The following BRDT variants were observed in gnomAD, a reference collection of about 807,000 sequenced individuals.
BRDT encodes the protein bromodomain testis associated, also known as bromodomain testis-specific protein.
A neutral mutation model predicts 113.9 loss-of-function variants in BRDT; 77 were observed. The observed-to-expected ratio is 0.68, with a 90% CI of 0.56 to 0.82. BRDT has a LOEUF of 0.82. BRDT is among the 40% of genes least tolerant of loss of function. BRDT has a pLI of 0.00. For synonymous variants in BRDT, 358 were observed against 366.5 expected (o/e 0.98, Z 0.26); for missense variants, 1,027 against 1,105.4 (o/e 0.93, Z 1.01).
chr1:91,981,222 G>A, intron 10 of BRDT, 44 bp downstream of exon 10: 1 of 1,608,904 alleles, frequency 6.2e-7, no homozygotes, highest in Non-Finnish European at 8.5e-7. Flanking sequence ...TGGTATTTAT[G>A]TTGGTTTTTG....
At chr1:91,977,705 TAAA>T (rs531587291) in intron 6 of BRDT, among the ~76,000 whole-genome samples, 390 of 121,602 alleles carry the variant, frequency 3.2e-3, no homozygotes, top group African/African-American at 0.012. Flanking sequence ...TCGTCTCTAC[TAAA>T]AAAAAAAAAA....
At chr1:91,961,437 C>T (rs923090177) in intron 1 of BRDT, among the ~76,000 whole-genome samples, 6 of 152,042 alleles carry the variant, frequency 3.9e-5, no homozygotes, top group African/African-American at 7.2e-5. Flanking sequence ...TGAGACCAGC[C>T]GGGCCAACAT....
At chr1:91,964,194 G>T (rs1484706559) in intron 2 of BRDT, among the ~76,000 whole-genome samples, 1 of 152,204 alleles carries the variant, frequency 6.6e-6, no homozygotes, top group African/African-American at 2.4e-5. Context: ...CTGAGTAGCT[G>T]GGATTACAGG....
chr1:91,961,680 A>T (rs1319084879), intron 1 of BRDT, among the ~76,000 whole-genome samples: 1 of 152,102 alleles, frequency 6.6e-6, no homozygotes, highest in Non-Finnish European at 1.5e-5. Flanking sequence ...ATTAGCCAGA[A>T]CATTTTTTTA....
chr1:91,961,628 CAG>C (rs57800881), intron 1 of BRDT, among the ~76,000 whole-genome samples: 13 of 151,332 alleles, frequency 8.6e-5, no homozygotes, highest in African/African-American at 2.2e-4. Flanking sequence ...GACTCCATCT[CAG>C]AGAGAGAGAG....
intron 15 of BRDT, among the ~76,000 whole-genome samples, chr1:91,997,407 T>G (rs1284314873): frequency 2.0e-5 from 3 of 152,108 alleles, no homozygotes; most frequent in African/African-American, 7.2e-5. Context: ...GTGGGCAAGA[T>G]TATTTTGAGT....
intron 5 of BRDT, 150 bp downstream of exon 5, chr1:91,976,588 C>A: frequency 1.3e-6 from 1 of 785,272 alleles, no homozygotes; most frequent in Non-Finnish European, 1.9e-6. Context: ...TTCCGCCTCT[C>A]TATGCATTTT....
At chr1:91,984,212 AT>A (rs202236421) in intron 12 of BRDT, among the ~76,000 whole-genome samples, 9 of 151,124 alleles carry the variant, frequency 6.0e-5, no homozygotes, top group African/African-American at 9.7e-5. Context: ...TTTTGTCCTA[AT>A]TTTTTTTTGC....
At chr1:92,009,078 G>A (rs1570657279) in intron 18 of BRDT, among the ~76,000 whole-genome samples, 2 of 152,060 alleles carry the variant, frequency 1.3e-5, no homozygotes, top group African/African-American at 4.8e-5. Context: ...CTGTCTAACT[G>A]AAAGTTTGTA....
In BRDT at chr1:91,968,790, GTATTA is replaced by G. The variant is rs1239791502; in HGVS notation, c.445+533_445+537del. Among the ~76,000 whole-genome samples the G allele has an allele frequency of 3.9e-5, 6 of 152,156 alleles. No individual in the cohort carries two copies. The South Asian group carries it at 6.2e-4, about 16-fold the overall frequency. On this transcript the variant is annotated intron_variant, in intron 4 of 18. Transcript: ENST00000399546. ...TTAAATCTGAAGTATTCAAATAGATGTATTATAGAGGTTAATCAAGAGTGTAGTAA... is the reference window on the plus strand; with the variant it reads ...TTAAATCTGAAGTATTCAAATAGATGTAGAGGTTAATCAAGAGTGTAGTAA...
chr1:91,993,639 T>G (rs1018696923), intron 14 of BRDT, among the ~76,000 whole-genome samples: 2 of 152,182 alleles, frequency 1.3e-5, no homozygotes, highest in African/African-American at 4.8e-5. Flanking sequence ...AATTTTAAAT[T>G]TATCCCCTTA....
At chr1:91,997,658 T>A (rs1188941851) in intron 15 of BRDT, among the ~76,000 whole-genome samples, 4 of 152,234 alleles carry the variant, frequency 2.6e-5, no homozygotes, top group African/African-American at 9.6e-5. Context: ...TCAGTAAGGA[T>A]CAGTTTATTA....
At chr1:92,007,279 G>A (rs1260875177) in intron 18 of BRDT, among the ~76,000 whole-genome samples, 1 of 151,608 alleles carries the variant, frequency 6.6e-6, no homozygotes, top group Non-Finnish European at 1.5e-5. Flanking sequence ...GTGAAGGTTT[G>A]TTACATAGGT....
intron 12 of BRDT, among the ~76,000 whole-genome samples, chr1:91,982,485 G>C (rs1412653430): frequency 2.6e-5 from 4 of 152,198 alleles, no homozygotes; most frequent in East Asian, 3.9e-4. Context: ...TGACCAAAAG[G>C]CAAATTCAGA....
chr1:91,975,164 G>C (rs1684010339), intron 4 of BRDT, among the ~76,000 whole-genome samples: 1 of 152,072 alleles, frequency 6.6e-6, no homozygotes, highest in African/African-American at 2.4e-5. Flanking sequence ...ATAGCATTAG[G>C]AGATATGCCT....
intron 8 of BRDT, 104 bp from the exon 9 acceptor site, chr1:91,980,539 A>T (rs1684616732): frequency 3.0e-5 from 30 of 993,212 alleles, no homozygotes; most frequent in Non-Finnish European, 4.1e-5. Context: ...ATAAGAAATG[A>T]ATTTCACAAA....
intron 3 of BRDT, among the ~76,000 whole-genome samples, chr1:91,966,825 C>T (rs531245231): frequency 3.3e-5 from 5 of 152,244 alleles, no homozygotes; most frequent in African/African-American, 1.2e-4. Context: ...AATCCCAGCA[C>T]TTTGGGAGGC....
intron 1 of BRDT, among the ~76,000 whole-genome samples, chr1:91,951,367 CAGTA>C (rs1366594424): frequency 6.6e-6 from 1 of 151,996 alleles, no homozygotes; most frequent in Non-Finnish European, 1.5e-5. Context: ...AATAGGAAAA[CAGTA>C]AGTATCTCGA....
Position 91,968,192 on chromosome 1 carries a change from T to G in BRDT, c.377T>G (p.Phe126Cys), listed in dbSNP as rs1205871102. ...ATGGCACAAGCTCTAGAGAAGCTGT[T>G]TATGCAGAAATTATCTCAGATGCCA... ...VLMAQALEKL[F>C]MQKLSQMPQE... Residue 126 changes from phenylalanine (F) to cysteine (C), a missense_variant, in exon 4 of 19, where the codon TTT (phenylalanine) becomes TGT (cysteine). Coordinates refer to ENST00000399546, the MANE Select transcript of BRDT (RefSeq NM_207189.4). 1 of 1,614,064 alleles carries G rather than the reference T, an allele frequency of 6.2e-7. No individual in the cohort carries two copies. Among genetic ancestry groups the G allele is most frequent in the Non-Finnish European group, 8.5e-7 (1 of 1,179,986 alleles).
Sources: allele counts gnomAD v4.1 joint callset (sites outside exome capture counted in the v4.1 genomes callset), GRCh38; gene constraint gnomAD v4.1.1; transcripts MANE v1.5; gene names NCBI Gene and HGNC (gene_info 2026-07-23, HGNC 2026-07-21).